Variants in FHOD3 observed in about 807,000 individuals in gnomAD.
FHOD3 encodes formin homology 2 domain containing 3, also known as FH1/FH2 domain-containing protein 3.
In FHOD3, 90 loss-of-function variants were observed where a neutral mutation model predicts 173.0. That is an observed-to-expected ratio of 0.52 (90% CI 0.44 to 0.62). FHOD3 has a LOEUF of 0.62. Ranked by LOEUF, FHOD3 falls within the 20% of genes least tolerant of loss-of-function variation. FHOD3 has a pLI of 0.00. For missense variants in FHOD3, 1,945 were observed against 2,034.7 expected (o/e 0.96, Z 0.85); for synonymous variants, 828 against 823.0 (o/e 1.01, Z -0.10).
rs538619551 is a variant in FHOD3, at chr18:36,393,872, G to A, written c.337+21128G>A. ...CTGATGGTTTCCTATGTGAGGGCAG[G>A]GAGCTAGTTAATCCACTTGGATCCA... On this transcript the variant is annotated intron_variant, in intron 3 of 28. Transcript: ENST00000590592. Among the ~76,000 whole-genome samples the A allele has an allele frequency of 2.6e-5, 4 of 152,242 alleles. No individual in the cohort carries two copies. In the South Asian group the frequency reaches 8.3e-4, roughly 32 times the overall value.
chr18:36,731,565 A>G (rs1443337799), intron 20 of FHOD3, among the ~76,000 whole-genome samples: 3 of 152,240 alleles, frequency 2.0e-5, no homozygotes, highest in Non-Finnish European at 4.4e-5. Context: ...GCTTTGTGGC[A>G]TTGGGTGGCA....
chr18:36,608,092 C>T (rs1357898991), intron 8 of FHOD3, among the ~76,000 whole-genome samples: 1 of 152,216 alleles, frequency 6.6e-6, no homozygotes, highest in Non-Finnish European at 1.5e-5. Context: ...TTACCCAATT[C>T]CAAAGCTGCT....
chr18:36,616,148 G>A (rs1025057653), intron 9 of FHOD3, among the ~76,000 whole-genome samples: 3 of 152,228 alleles, frequency 2.0e-5, no homozygotes, highest in African/African-American at 7.2e-5. Flanking sequence ...GAGGAAGAGA[G>A]CTCAAGAGAG....
At chr18:36,562,704 C>T (rs2058129804) in intron 5 of FHOD3, among the ~76,000 whole-genome samples, 1 of 152,098 alleles carries the variant, frequency 6.6e-6, no homozygotes, top group Admixed American at 6.6e-5. Context: ...GGTGTTGATG[C>T]TGAGCCTGCT....
intron 3 of FHOD3, among the ~76,000 whole-genome samples, chr18:36,459,042 T>G (rs1294719608): frequency 6.6e-6 from 1 of 152,206 alleles, no homozygotes; most frequent in African/African-American, 2.4e-5. Flanking sequence ...GTCTCCTCAC[T>G]GTTTAAGACT....
At chr18:36,354,705 C>A (rs59871927) in intron 1 of FHOD3, among the ~76,000 whole-genome samples, 1 of 151,964 alleles carries the variant, frequency 6.6e-6, no homozygotes, top group Non-Finnish European at 1.5e-5. Context: ...ACTTGGGAAG[C>A]TGAGGCAGAA....
At chr18:36,718,796 G>T (rs143202710) in intron 19 of FHOD3, 81 bp downstream of exon 19, 7 of 1,516,246 alleles carry the variant, frequency 4.6e-6, no homozygotes, top group Admixed American at 2.2e-5. Context: ...ATACTATTTT[G>T]CATTGCTTTT....
chr18:36,559,065 C>T (rs1329218602), intron 5 of FHOD3, among the ~76,000 whole-genome samples: 1 of 152,170 alleles, frequency 6.6e-6, no homozygotes. Context: ...TCATCTTCAC[C>T]TATTGTAGTA....
chr18:36,432,307 TA>T (rs148131986), intron 3 of FHOD3, among the ~76,000 whole-genome samples: 4,136 of 152,044 alleles, frequency 0.027, 99 homozygotes, highest in African/African-American at 0.066. Context: ...GCTCTTTATT[TA>T]AAAAAAAATT....
At position 36,649,549 on chromosome 18, in the gene FHOD3, G is replaced by GAA. The variant is rs2035913173; in HGVS notation, c.1286+145_1286+146dup. 1.1e-5 allele frequency: 6 copies of GAA among 538,120 alleles called. No individual in the cohort carries two copies. The East Asian group carries it at 1.9e-4, about 17-fold the overall frequency. The allele number at this position is 538,120 out of a possible 1,614,324, so 33.3% of individuals were successfully genotyped here. On this transcript the variant is annotated intron_variant, in intron 11 of 28. Coordinates refer to ENST00000590592, the MANE Select transcript of FHOD3 (RefSeq NM_001281740.3). ...TACTTACCCTGTTCACAGAGCCACA[G>GAA]AACCACTGGTTTTGTAGAAATACCT...
At chr18:36,470,555 A>G (rs946716612) in intron 3 of FHOD3, among the ~76,000 whole-genome samples, 3 of 152,192 alleles carry the variant, frequency 2.0e-5, no homozygotes, top group African/African-American at 7.2e-5. Flanking sequence ...TAAAACCTAT[A>G]TGGTTGTATA....
chr18:36,378,415 G>A lies in FHOD3; in HGVS notation c.337+5671G>A, dbSNP rs183398857. 1.2e-4 allele frequency among the ~76,000 whole-genome samples: 18 copies of A among 152,094 alleles called. No individual in the cohort carries two copies. The East Asian group carries it at 3.5e-3, about 29-fold the overall frequency. Reference sequence around the variant, plus strand: ...CATTAATCTGTCACAGCTCCCAGGAGACAGATCCCAAGGCGTGCATGTGTC... The same window carrying A: ...CATTAATCTGTCACAGCTCCCAGGAAACAGATCCCAAGGCGTGCATGTGTC... On this transcript the variant is annotated intron_variant, in intron 3 of 28. Transcript: ENST00000590592.
intron 25 of FHOD3, among the ~76,000 whole-genome samples, chr18:36,757,368 A>G (rs574003880): frequency 6.4e-4 from 98 of 152,292 alleles, no homozygotes; most frequent in African/African-American, 2.4e-3. Context: ...GGGTTTTTCC[A>G]ACTCAATTAT....
At chr18:36,691,095 G>A (rs1445340506) in intron 16 of FHOD3, among the ~76,000 whole-genome samples, 2 of 152,130 alleles carry the variant, frequency 1.3e-5, no homozygotes, top group Admixed American at 1.3e-4. Flanking sequence ...AGTGGCCCCT[G>A]GAGTCTCCCA....
chr18:36,709,343 T>A lies in FHOD3; in HGVS notation c.2485T>A (p.Leu829Met), dbSNP rs368676543. 1.2e-6 allele frequency: 2 copies of A among 1,614,132 alleles called. No individual in the cohort carries two copies. The highest frequency in any genetic ancestry group is 4.5e-5 in the East Asian group (2 of 44,886). ...CAGCGTCTCGTCCTCCAGCAGCACG[T>A]TGGAGAGGGAGGAGAAGGAGGACAA... ...ASSVSSSSST[L>M]EREEKEDKLS... Residue 829 changes from leucine to methionine, a missense_variant, in exon 18 of 29, where the codon TTG (leucine) becomes ATG (methionine). By Grantham distance (15) the Leu-to-Met change is conservative. Coordinates refer to ENST00000590592, the MANE Select transcript of FHOD3 (RefSeq NM_001281740.3).
intron 7 of FHOD3, among the ~76,000 whole-genome samples, chr18:36,596,191 G>A (rs1327557913): frequency 3.3e-5 from 5 of 151,876 alleles, no homozygotes; most frequent in Admixed American, 6.6e-5. Flanking sequence ...GTCTTGCTCC[G>A]TCGCCCAGGC....
intron 9 of FHOD3, among the ~76,000 whole-genome samples, chr18:36,624,696 AG>A (rs5824029): frequency 0.8 from 120,762 of 151,878 alleles, 49,110 homozygotes; most frequent in East Asian, 1. Flanking sequence ...AGAAAGGCAA[AG>A]GGTAAGAAAG....
intron 3 of FHOD3, among the ~76,000 whole-genome samples, chr18:36,452,242 C>T (rs2051900415): frequency 6.6e-6 from 1 of 152,074 alleles, no homozygotes; most frequent in Admixed American, 6.6e-5. Context: ...GTACCACTTT[C>T]CAGGACTGTA....
intron 3 of FHOD3, among the ~76,000 whole-genome samples, chr18:36,414,800 G>T (rs1384040482): frequency 2.6e-5 from 4 of 152,174 alleles, no homozygotes; most frequent in Non-Finnish European, 5.9e-5. Flanking sequence ...GGGGGTTTCT[G>T]GGGGCACAGG....
Sources: allele counts gnomAD v4.1 joint callset (sites outside exome capture counted in the v4.1 genomes callset), GRCh38; gene constraint gnomAD v4.1.1; transcripts MANE v1.5; gene names NCBI Gene and HGNC (gene_info 2026-07-23, HGNC 2026-07-21).